Variants in MROH7 observed in about 807,000 individuals in gnomAD.
MROH7 encodes maestro heat-like repeat-containing protein family member 7.
A neutral mutation model predicts 129.2 loss-of-function variants in MROH7; 113 were observed. That is an observed-to-expected ratio of 0.87 (90% CI 0.75 to 1.02). The LOEUF (loss-of-function observed/expected upper bound fraction) is 1.02, where lower values mean the gene tolerates loss of function less well. Among genes scored for constraint, MROH7 ranks in the 50% least tolerant of loss-of-function variants. The pLI, the probability that MROH7 is intolerant of heterozygous loss-of-function variation, is 0.00. For synonymous variants in MROH7, 655 were observed against 667.9 expected (o/e 0.98, Z 0.30); for missense variants, 1,601 against 1,671.3 (o/e 0.96, Z 0.73).
At chr1:54,650,659 C>G (rs555938359) in intron 1 of MROH7, among the ~76,000 whole-genome samples, 1 of 151,820 alleles carries the variant, frequency 6.6e-6, no homozygotes, top group African/African-American at 2.4e-5. Context: ...CCTTGTTCCT[C>G]TCTTATCTCC....
At chr1:54,682,612 A>G (rs571799618) in intron 13 of MROH7, 44 bp from the exon 14 acceptor site, 2 of 1,581,204 alleles carry the variant, frequency 1.3e-6, no homozygotes, top group African/African-American at 2.7e-5. Context: ...GGTTAGCCCC[A>G]CTGCCTTGGC....
Position 54,673,468 on chromosome 1 carries a change from T to TCACTCTTCATCTGTCTC in MROH7, c.1696-231_1696-230insCTCTTCATCTGTCTCCA, listed in dbSNP as rs1296341515. Among the ~76,000 whole-genome samples, 3 of 152,108 alleles carry TCACTCTTCATCTGTCTC rather than the reference T, an allele frequency of 2.0e-5. No individual in the cohort carries two copies. The East Asian group carries it at 5.8e-4, about 30-fold the overall frequency. Reference sequence around the variant, plus strand: ...TTGTCCCTGCGTCTCTCTTCTGTCTTCATGACTCTTCACTCTTCATCTGTC... The same window carrying TCACTCTTCATCTGTCTC: ...TTGTCCCTGCGTCTCTCTTCTGTCTTCACTCTTCATCTGTCTCCATGACTCTTCACTCTTCATCTGTC... On this transcript the variant is annotated intron_variant, in intron 8 of 23. Coordinates refer to ENST00000421030, the MANE Select transcript of MROH7 (RefSeq NM_001039464.4).
At position 54,653,125 on chromosome 1, in the gene MROH7, C is replaced by T. The variant is rs758037622; in HGVS notation, c.199C>T (p.Pro67Ser). 5.0e-6 allele frequency: 8 copies of T among 1,614,206 alleles called. No individual in the cohort carries two copies. In the South Asian group the frequency reaches 7.7e-5, roughly 16 times the overall value. ...LVPDLNDSLSPVSGEASGLVS... is the reference protein window; with the variant it reads ...LVPDLNDSLSSVSGEASGLVS... ...TCCAGATCTTAATGATTCTTTGAGT[C>T]CAGTCTCAGGGGAGGCCTCAGGCCT... The change falls in exon 3 of 24, where the codon CCA (proline) becomes TCA (serine). Residue 67 changes from proline (P) to serine (S), a missense_variant. Pro to Ser is a moderately conservative substitution (Grantham distance 74). Transcript: ENST00000421030.
rs903010317 is a variant in MROH7, at chr1:54,703,557, C to G, written c.3564+812C>G. ...CATGGTTCTTCATATAATAGTTTCC[C>G]AAACTTATTTAACCACAGAGCTTCC... On this transcript the variant is annotated intron_variant, in intron 21 of 23. Coordinates refer to ENST00000421030, the MANE Select transcript of MROH7 (RefSeq NM_001039464.4). This position sits in a 1 kb window ranked among gnomAD's most constrained non-coding sequence, Gnocchi z 4.4. 2.0e-5 allele frequency among the ~76,000 whole-genome samples: 3 copies of G among 151,356 alleles called. No homozygotes were observed. Among genetic ancestry groups the G allele is most frequent in the African/African-American group, 7.3e-5 (3 of 41,126 alleles).
chr1:54,686,152 C>A, intron 14 of MROH7, 106 bp from the exon 15 acceptor site: 1 of 1,024,244 alleles, frequency 9.8e-7, no homozygotes, highest in Non-Finnish European at 1.4e-6. Context: ...GGCCAGAGGA[C>A]AGCAAAGACC....
intron 17 of MROH7, chr1:54,699,094 T>TTTTCTTTCTTTCTTTCTTTCTTTC: frequency 1.0e-5 from 1 of 98,300 alleles, no homozygotes; most frequent in Non-Finnish European, 2.1e-5. Context: ...TTGCCTGGCC[T>TTTTCTTTCTTTCTTTCTTTCTTTC]TTTCTTTCTT....
chr1:54,682,933 G>A, intron 14 of MROH7, 139 bp downstream of exon 14: 1 of 910,778 alleles, frequency 1.1e-6, no homozygotes, highest in Non-Finnish European at 1.6e-6. Flanking sequence ...GCAGGTCTCT[G>A]GCTCTGGCTC....
In MROH7 at chr1:54,660,737, C is replaced by T. The variant is rs1489450190; in HGVS notation, c.1232-4430C>T. ...GGCTGAGGCAAGAGAATCACTTGAACCCCGGAGGTGGAGGTTGCGGTGAGC... is the reference window on the plus strand; with the variant it reads ...GGCTGAGGCAAGAGAATCACTTGAATCCCGGAGGTGGAGGTTGCGGTGAGC... On this transcript the variant is annotated intron_variant, in intron 3 of 23. Coordinates refer to ENST00000421030, the MANE Select transcript of MROH7 (RefSeq NM_001039464.4). 3.3e-5 allele frequency among the ~76,000 whole-genome samples: 5 copies of T among 152,186 alleles called. No homozygotes were observed. The East Asian group carries it at 9.7e-4, about 29-fold the overall frequency.
chr1:54,682,820 A>G (rs1479792684), intron 14 of MROH7, 26 bp downstream of exon 14: 3 of 1,603,466 alleles, frequency 1.9e-6, no homozygotes, highest in Non-Finnish European at 2.5e-6. Context: ...GCCAGCCCCT[A>G]TTGCTGCCTG....
Position 54,653,317 on chromosome 1 carries a change from C to CCTAGCT in MROH7, c.395_400dup (p.Ser132_Ser133dup). 6.2e-7 allele frequency: 1 copy of CCTAGCT among 1,614,190 alleles called. No individual in the cohort carries two copies. Among genetic ancestry groups the CCTAGCT allele is most frequent in the Non-Finnish European group, 8.5e-7 (1 of 1,180,036 alleles). On this transcript the variant is annotated inframe_insertion, in exon 3 of 24. Coordinates refer to ENST00000421030, the MANE Select transcript of MROH7 (RefSeq NM_001039464.4). Reference sequence around the variant, plus strand: ...TCCAGCCTCAAACCCCATTCTGAGCCCTAGCTCTACTGAGGCCCCTCGTCT... The same window carrying CCTAGCT: ...TCCAGCCTCAAACCCCATTCTGAGCCCTAGCTCTAGCTCTACTGAGGCCCCTCGTCT...
chr1:54,658,839 C>T (rs899816502), intron 3 of MROH7, among the ~76,000 whole-genome samples: 1 of 151,946 alleles, frequency 6.6e-6, no homozygotes, highest in African/African-American at 2.4e-5. Context: ...TGAAATGCAC[C>T]CATCCCTAGA....
At chr1:54,664,219 A>G (rs1644777664) in intron 3 of MROH7, among the ~76,000 whole-genome samples, 1 of 152,230 alleles carries the variant, frequency 6.6e-6, no homozygotes, top group South Asian at 2.1e-4. Context: ...CACCCAGGAA[A>G]GATGAGGCTC....
At chr1:54,705,359 G>A (rs1220378845) in intron 21 of MROH7, among the ~76,000 whole-genome samples, 1 of 152,138 alleles carries the variant, frequency 6.6e-6, no homozygotes, top group Non-Finnish European at 1.5e-5. Context: ...CCCTGTCCAG[G>A]GTGCTGAGAC....
In MROH7 at chr1:54,673,126, A is replaced by G. The variant is rs200874409; in HGVS notation, c.1635A>G (p.Thr545=). Residue 545 remains threonine, a synonymous_variant, in exon 8 of 24, where the codon ACA becomes ACG. Coordinates refer to ENST00000421030, the MANE Select transcript of MROH7 (RefSeq NM_001039464.4). ...LYHQTLEALQ[T]LLKALFIEDP... is the part of the protein sequence containing the mutation. Reference sequence around the variant, plus strand: ...ATCAGACCCTGGAGGCCCTGCAGACACTGCTCAAAGCCCTCTTTATCGAGG... The same window carrying G: ...ATCAGACCCTGGAGGCCCTGCAGACGCTGCTCAAAGCCCTCTTTATCGAGG... 1.4e-5 allele frequency: 23 copies of G among 1,613,912 alleles called. No homozygotes were observed. In the Admixed American group the frequency reaches 2.2e-4, roughly 15 times the overall value.
intron 1 of MROH7, among the ~76,000 whole-genome samples, chr1:54,643,949 A>G (rs1156362225): frequency 6.6e-6 from 1 of 152,112 alleles, no homozygotes; most frequent in Non-Finnish European, 1.5e-5. Flanking sequence ...GTGTTCCCCT[A>G]TAGGTAAGGC....
rs540670824 is a variant in MROH7 at position 54,696,891 on chromosome 1, C to T, written c.2964+1401C>T. 5.3e-5 allele frequency among the ~76,000 whole-genome samples: 8 copies of T among 151,994 alleles called. No homozygotes were observed. The South Asian group carries it at 8.3e-4, about 16-fold the overall frequency. On this transcript the variant is annotated intron_variant, in intron 17 of 23. Transcript: ENST00000421030. Reference sequence around the variant, plus strand: ...TTCCCCATGTTGGCCAGGCTGGTCTCGAACTCCTGACCTCAAATGATCCTC... The same window carrying T: ...TTCCCCATGTTGGCCAGGCTGGTCTTGAACTCCTGACCTCAAATGATCCTC...
chr1:54,694,756 C>A (rs1645294217), intron 16 of MROH7, among the ~76,000 whole-genome samples: 1 of 152,198 alleles, frequency 6.6e-6, no homozygotes, highest in Non-Finnish European at 1.5e-5. Flanking sequence ...AGCCACCGCG[C>A]CTGGCTTGGG....
chr1:54,678,972 C>G, intron 11 of MROH7, 118 bp downstream of exon 11: 1 of 808,160 alleles, frequency 1.2e-6, no homozygotes, highest in East Asian at 2.6e-5. Context: ...GCCTTCCCAG[C>G]CACCCACGCC....
At position 54,670,018 on chromosome 1, in the gene MROH7, A is replaced by T. The variant is rs571213473; in HGVS notation, c.1390-479A>T. 5.9e-3 allele frequency among the ~76,000 whole-genome samples: 899 copies of T among 152,066 alleles called. 2 individuals are homozygous for T. Among genetic ancestry groups the T allele is most frequent in the Non-Finnish European group, 0.011 (724 of 67,992 alleles). Reference sequence around the variant, plus strand: ...GACTTCATGTCAAAAAAAAAAAAAAAAAAAATAGTTCAAGATGAACCTGGC... The same window carrying T: ...GACTTCATGTCAAAAAAAAAAAAAATAAAAATAGTTCAAGATGAACCTGGC... On this transcript the variant is annotated intron_variant, in intron 5 of 23. Coordinates refer to ENST00000421030, the MANE Select transcript of MROH7 (RefSeq NM_001039464.4).
Sources: gnomAD v4.1 joint callset for allele counts (sites outside exome capture counted in the v4.1 genomes callset) on GRCh38, gnomAD v4.1.1 for gene constraint, Gnocchi (gnomAD v3.1) non-coding constraint, MANE v1.5 for transcripts, NCBI Gene and HGNC (gene_info 2026-07-23, HGNC 2026-07-21) for gene names.